OGDHL: variants seen among roughly 807,000 people sequenced by gnomAD.
The protein encoded by OGDHL is 2-oxoglutarate dehydrogenase-like, mitochondrial.
Under a neutral mutation model 109.6 loss-of-function variants are expected in OGDHL, and 79 were observed. The ratio of observed to expected loss-of-function variants is 0.72; its 90% CI spans 0.60 to 0.87. The LOEUF (loss-of-function observed/expected upper bound fraction) is 0.87, where lower values mean the gene tolerates loss of function less well. OGDHL is among the 40% of genes least tolerant of loss of function. The pLI is 0.00. For synonymous variants in OGDHL, 528 were observed against 537.2 expected (o/e 0.98, Z 0.24); for missense variants, 1,275 against 1,362.2 (o/e 0.94, Z 1.01).
At chr10:49,735,895 T>A (rs772467724) in intron 22 of OGDHL, 128 bp downstream of exon 22, 21 of 1,028,878 alleles carry the variant, frequency 2.0e-5, no homozygotes, top group African/African-American at 3.2e-5. Flanking sequence ...GTACTGATGA[T>A]GCCCCATCAT....
intron 12 of OGDHL, 32 bp downstream of exon 12, chr10:49,745,312 G>A: frequency 4.3e-6 from 7 of 1,609,758 alleles, no homozygotes; most frequent in Non-Finnish European, 5.9e-6. Flanking sequence ...CCCAAAGTTT[G>A]TCTTGGGCGC....
chr10:49,742,577 A>G (rs912987197), intron 15 of OGDHL, among the ~76,000 whole-genome samples: 4 of 146,700 alleles, frequency 2.7e-5, no homozygotes, highest in African/African-American at 1.1e-4. Flanking sequence ...CACACCCCCC[A>G]CACACACATG....
At chr10:49,746,470 G>T (rs546799802) in intron 10 of OGDHL, among the ~76,000 whole-genome samples, 50 of 152,352 alleles carry the variant, frequency 3.3e-4, no homozygotes, top group Admixed American at 7.8e-4. Context: ...CAAGGTCCCT[G>T]TGTCTAAGAT....
In OGDHL at chr10:49,744,003, T is replaced by C. The variant is rs200834712; in HGVS notation, c.1852A>G (p.Ile618Val). The C allele has an allele frequency of 2.5e-6, 4 of 1,613,812 alleles. No homozygotes were observed. Among genetic ancestry groups the C allele is most frequent in the Admixed American group, 3.3e-5 (2 of 60,008 alleles). Reference sequence around the variant, plus strand: ...TGTCCAGCAACCTCACCAGTGTGGATCTTAAAGTCCTCCAGGGGCACAGAG... The same window carrying C: ...TGTCCAGCAACCTCACCAGTGTGGACCTTAAAGTCCTCCAGGGGCACAGAG... ...ASSVPLEDFK[I>V]HTGLSRILRG... Residue 618 changes from isoleucine (I) to valine (V), a missense_variant, in exon 14 of 23, where the codon ATC becomes GTC. Physicochemically the swap from Ile to Val is conservative, Grantham distance 29. Transcript: ENST00000374103.
Position 49,746,893 on chromosome 10 carries a change from T to A in OGDHL, c.1168-15A>T, listed in dbSNP as rs1457810467. ...ATGGACATGACCTGCAGGGCAGGTG[T>A]GAGCCAGGAGGGGCTGCGTGCCCCA... On this transcript the variant is annotated splice_polypyrimidine_tract_variant and intron_variant, in intron 9 of 22. Coordinates refer to ENST00000374103, the MANE Select transcript of OGDHL (RefSeq NM_018245.3). The A allele has an allele frequency of 3.7e-6, 6 of 1,613,878 alleles. No homozygotes were observed. The highest frequency in any genetic ancestry group is 5.1e-6 in the Non-Finnish European group (6 of 1,179,872).
intron 13 of OGDHL, 58 bp downstream of exon 13, chr10:49,744,592 C>T: frequency 7.4e-7 from 1 of 1,353,746 alleles, no homozygotes; most frequent in Non-Finnish European, 1.1e-6. Flanking sequence ...AGTCCTGATC[C>T]CAGTGCAAGA....
chr10:49,753,287 A>AT (rs1842724721), intron 3 of OGDHL, among the ~76,000 whole-genome samples: 3 of 152,194 alleles, frequency 2.0e-5, no homozygotes, highest in Middle Eastern at 3.2e-3. Context: ...AAACCACAAC[A>AT]TAAGAAAAAT....
At position 49,745,328 on chromosome 10, in the gene OGDHL, C is replaced by A. The variant is rs199783850; in HGVS notation, c.1629+16G>T. ...CCAAAGTTTGTCTTGGGCGCCCCTG[C>A]AGCCTGCCTGCCCACCTCAAACTCC... On this transcript the variant is annotated intron_variant, in intron 12 of 22. Transcript: ENST00000374103. The A allele has an allele frequency of 6.2e-7, 1 of 1,612,022 alleles. No individual in the cohort carries two copies. The highest frequency in any genetic ancestry group is 2.2e-5 in the East Asian group (1 of 44,880).
At position 49,751,856 on chromosome 10, in the gene OGDHL, G is replaced by A; in HGVS notation, c.720C>T (p.Thr240=). ...VMQFSSEEKR[T]LLARLVRSMR... is the part of the protein sequence containing the mutation. ...TGGAGCGCACTAGCCGGGCCAGCAGGGTCCGCTTCTCCTCGCTGGAGAACT... is the reference window on the plus strand; with the variant it reads ...TGGAGCGCACTAGCCGGGCCAGCAGAGTCCGCTTCTCCTCGCTGGAGAACT... Residue 240 remains threonine, a synonymous_variant, in exon 6 of 23, where the codon ACC becomes ACT. Transcript: ENST00000374103. 4 of 1,614,044 alleles carry A rather than the reference G, an allele frequency of 2.5e-6. No homozygotes were observed. Among genetic ancestry groups the A allele is most frequent in the Non-Finnish European group, 3.4e-6 (4 of 1,180,020 alleles).
intron 10 of OGDHL, among the ~76,000 whole-genome samples, chr10:49,746,291 AC>A (rs1202439486): frequency 2.0e-5 from 3 of 152,228 alleles, no homozygotes; most frequent in African/African-American, 7.2e-5. Flanking sequence ...CAAGGTGCTT[AC>A]ATACCCACAG....
rs983195623 is a variant in OGDHL, at chr10:49,734,690, G to A, written c.*538C>T. The A allele has an allele frequency of 1.3e-5, 2 of 152,118 alleles. No individual in the cohort carries two copies. The highest frequency in any genetic ancestry group is 2.9e-5 in the Non-Finnish European group (2 of 68,070). The allele number at this position is 152,118 out of a possible 1,614,324, so 9.4% of individuals were successfully genotyped here. A position where few individuals can be genotyped will look rare whatever the true frequency, so the allele number is the denominator to read the frequency against. On this transcript the variant is annotated 3_prime_UTR_variant, in exon 23 of 23. Coordinates refer to ENST00000374103, the MANE Select transcript of OGDHL (RefSeq NM_018245.3). ...CTCTGTGATTTGGTTTTCTACTTTGGTACACATGAGCTGTGGCTGCATTTC... is the reference window on the plus strand; with the variant it reads ...CTCTGTGATTTGGTTTTCTACTTTGATACACATGAGCTGTGGCTGCATTTC...
intron 6 of OGDHL, among the ~76,000 whole-genome samples, chr10:49,751,397 C>T (rs1240721220): frequency 6.6e-6 from 1 of 152,014 alleles, no homozygotes; most frequent in Non-Finnish European, 1.5e-5. Context: ...CCTCGCTGCT[C>T]AGGAATCCAC....
At chr10:49,757,740 A>G (rs1375390293) in intron 2 of OGDHL, among the ~76,000 whole-genome samples, 1 of 152,186 alleles carries the variant, frequency 6.6e-6, no homozygotes, top group Admixed American at 6.5e-5. Flanking sequence ...CCAAGCGAAA[A>G]CAGCAGGGAG....
intron 3 of OGDHL, among the ~76,000 whole-genome samples, chr10:49,754,260 G>C (rs1418627154): frequency 2.6e-5 from 4 of 152,096 alleles, no homozygotes; most frequent in African/African-American, 9.7e-5. Flanking sequence ...ACGAGTGCTG[G>C]GAATAAGGAC....
intron 1 of OGDHL, among the ~76,000 whole-genome samples, chr10:49,761,890 C>G (rs572228408): frequency 1.3e-5 from 2 of 152,344 alleles, no homozygotes; most frequent in South Asian, 4.1e-4. Context: ...ATCCCCCGCA[C>G]AGCCCTCGCA....
rs144636641 is a variant in OGDHL at position 49,736,126 on chromosome 10, C to T, written c.2806G>A (p.Gly936Ser). Reference protein sequence around the residue: ...LIKQEAEKYPGAELAWCQEEH... With the variant: ...LIKQEAEKYPSAELAWCQEEH... Reference sequence around the variant, plus strand: ...TCCTGACACCAGGCCAGCTCCGCACCTGGGTACTTCTCTGCCTCCTGCTTG... The same window carrying T: ...TCCTGACACCAGGCCAGCTCCGCACTTGGGTACTTCTCTGCCTCCTGCTTG... Residue 936 changes from glycine to serine, a missense_variant, in exon 22 of 23, where the codon GGT becomes AGT. Physicochemically the swap from Gly to Ser is moderately conservative, Grantham distance 56. Coordinates refer to ENST00000374103, the MANE Select transcript of OGDHL (RefSeq NM_018245.3). 3,640 of 1,611,178 alleles carry T rather than the reference C, an allele frequency of 2.3e-3. 9 individuals are homozygous for T. Among genetic ancestry groups the T allele is most frequent in the Non-Finnish European group, 2.6e-3 (3,015 of 1,178,458 alleles).
chr10:49,737,730 A>C, intron 20 of OGDHL, 56 bp downstream of exon 20: 2 of 1,592,402 alleles, frequency 1.3e-6, no homozygotes, highest in Non-Finnish European at 1.7e-6. Context: ...CAGAAGCCAC[A>C]CAATGGGCCA....
chr10:49,758,370 G>A lies in OGDHL; in HGVS notation c.204+19C>T, dbSNP rs773676768. 2.5e-6 allele frequency: 4 copies of A among 1,596,326 alleles called. No homozygotes were observed. The highest frequency in any genetic ancestry group is 2.7e-5 in the African/African-American group (2 of 74,852). ...CTTCCCTCCCTTGCGGTGGCCCAGGGTAGGGTGGGGATGCTGACCTTGTGG... is the reference window on the plus strand; with the variant it reads ...CTTCCCTCCCTTGCGGTGGCCCAGGATAGGGTGGGGATGCTGACCTTGTGG... On this transcript the variant is annotated intron_variant, in intron 2 of 22. Transcript: ENST00000374103.
intron 8 of OGDHL, among the ~76,000 whole-genome samples, chr10:49,748,759 C>CAA (rs1350313631): frequency 6.9e-6 from 1 of 144,852 alleles, no homozygotes; most frequent in Non-Finnish European, 1.6e-5. Flanking sequence ...CACACACACA[C>CAA]ACACACACAC....
Sources: gnomAD v4.1 joint callset for allele counts (sites outside exome capture counted in the v4.1 genomes callset) on GRCh38, gnomAD v4.1.1 for gene constraint, MANE v1.5 for transcripts, NCBI Gene and HGNC (gene_info 2026-07-23, HGNC 2026-07-21) for gene names.